The following ANKRD50 variants were observed in gnomAD, a reference collection of about 807,000 sequenced individuals.
ANKRD50 encodes the protein ankyrin repeat domain-containing protein 50.
A neutral mutation model predicts 112.0 loss-of-function variants in ANKRD50; 40 were observed. The observed-to-expected ratio is 0.36, with a 90% confidence interval of 0.28 to 0.46. ANKRD50 has a LOEUF of 0.46. Ranked by LOEUF, ANKRD50 falls within the 20% of genes least tolerant of loss-of-function variation. ANKRD50 has a pLI of 1.00. For missense variants in ANKRD50, 1,487 were observed against 1,701.7 expected, an observed-to-expected ratio of 0.87 and a Z score of 2.22; for synonymous variants, 613 against 619.1, an observed-to-expected ratio of 0.99 and a Z score of 0.15.
rs1337663119 is a variant in ANKRD50 at position 124,711,246 on chromosome 4, T to A, written c.-735A>T. ...TCACAGGTTTCTTGGTTTTAAGACGTCCGGGTAATCAACAATTTCCACAAG... is the reference window on the plus strand; with the variant it reads ...TCACAGGTTTCTTGGTTTTAAGACGACCGGGTAATCAACAATTTCCACAAG... On this transcript the variant is annotated 5_prime_UTR_variant, in exon 2 of 5. Coordinates refer to ENST00000504087, the MANE Select transcript of ANKRD50 (RefSeq NM_020337.3). 1.3e-5 allele frequency: 2 copies of A among 152,996 alleles called. No homozygotes were observed. Among genetic ancestry groups the A allele is most frequent in the Admixed American group, 1.3e-4 (2 of 15,302 alleles). 9.5% of individuals were successfully genotyped at this position (152,996 alleles called of 1,614,324 possible).
chr4:124,679,889 C>T (rs574471170), intron 2 of ANKRD50, among the ~76,000 whole-genome samples: 1 of 152,298 alleles, frequency 6.6e-6, no homozygotes, highest in African/African-American at 2.4e-5. Flanking sequence ...CCTCCAACAG[C>T]TCACCTCCTG....
intron 2 of ANKRD50, among the ~76,000 whole-genome samples, chr4:124,691,297 C>G (rs561031753): frequency 6.6e-6 from 1 of 151,426 alleles, no homozygotes; most frequent in South Asian, 2.1e-4. Context: ...TCGAGACCAT[C>G]CTGGCTAACA....
At chr4:124,703,813 T>C (rs1560601875) in intron 2 of ANKRD50, among the ~76,000 whole-genome samples, 1 of 152,074 alleles carries the variant, frequency 6.6e-6, no homozygotes, top group Non-Finnish European at 1.5e-5. Context: ...AAACAATAAA[T>C]TGGACTGCAG....
At position 124,710,260 on chromosome 4, in the gene ANKRD50, C is replaced by A. The variant is rs1166137048; in HGVS notation, c.252G>T (p.Thr84=). The A allele has an allele frequency of 1.2e-6, 2 of 1,614,212 alleles. No homozygotes were observed. The highest frequency in any genetic ancestry group is 1.7e-5 in the Admixed American group (1 of 60,022). The part of the protein sequence containing the change: ...LLVGGPGSGK[T]ALCTELLWPS... ...GCCATAAGAGTTCAGTACATAGGGC[C>A]GTCTTGCCACTGCCAGGCCCTCCTA... The change falls in exon 2 of 5, where the codon ACG becomes ACT. Residue 84 remains threonine (T), a synonymous_variant. Transcript: ENST00000504087.
chr4:124,684,908 AC>A (rs1478839824), intron 2 of ANKRD50, among the ~76,000 whole-genome samples: 1 of 151,928 alleles, frequency 6.6e-6, no homozygotes, highest in Non-Finnish European at 1.5e-5. Flanking sequence ...CCCATTCAGG[AC>A]CTATTTCTAA....
chr4:124,670,531 C>T lies in ANKRD50; in HGVS notation c.2746G>A (p.Ala916Thr), dbSNP rs779926917. 2.5e-6 allele frequency: 4 copies of T among 1,613,272 alleles called. No individual in the cohort carries two copies. Among genetic ancestry groups the T allele is most frequent in the Admixed American group, 1.7e-5 (1 of 59,822 alleles). Residue 916 changes from alanine (A) to threonine (T), a missense_variant, in exon 4 of 5, where the codon GCA becomes ACA. This residue lies in a region of ANKRD50 where 1,046 missense variants were observed against 1,269.5 expected (regional missense o/e 0.82). Transcript: ENST00000504087. ...CCTTCTAATGCAGCAACCCGCAGTG[C>T]ATTTCTTCCATCATAACCTCTTTGA... ...IDQRGYDGRN[A>T]LRVAALEGHR... is the part of the protein sequence containing the mutation.
At chr4:124,680,631 C>T (rs1030204860) in intron 2 of ANKRD50, among the ~76,000 whole-genome samples, 5 of 152,042 alleles carry the variant, frequency 3.3e-5, no homozygotes, top group East Asian at 1.9e-4. Flanking sequence ...AAATCAGTAA[C>T]GTAGTCATAT....
chr4:124,698,893 G>T (rs998112454), intron 2 of ANKRD50, among the ~76,000 whole-genome samples: 3 of 151,666 alleles, frequency 2.0e-5, no homozygotes, highest in African/African-American at 7.3e-5. Flanking sequence ...TTAATGTTTT[G>T]GTTTCCAGTG....
At chr4:124,708,691 TACACACACAC>T (rs10558584) in intron 2 of ANKRD50, among the ~76,000 whole-genome samples, 6 of 145,580 alleles carry the variant, frequency 4.1e-5, no homozygotes, top group African/African-American at 1.0e-4. Context: ...TACTAACACA[TACACACACAC>T]ACACACACAC....
Position 124,672,404 on chromosome 4 carries a change from C to T in ANKRD50, c.873G>A (p.Met291Ile), listed in dbSNP as rs1317883312. ...RQHLTKETAE[M>I]LNQLHIKSSG... ...TGCTTTTAATGTGCAGTTGATTTAA[C>T]ATCTCTGCAGTTTCTTTTGTGAGGT... is the stretch of plus-strand genomic sequence containing the variant. Residue 291 changes from methionine (M) to isoleucine (I), a missense_variant, in exon 4 of 5, where the codon ATG (methionine) becomes ATA (isoleucine). Physicochemically the swap from Met to Ile is conservative, Grantham distance 10 (BLOSUM62 1). This residue lies in a region of ANKRD50 where 1,046 missense variants were observed against 1,269.5 expected (regional missense o/e 0.82). Coordinates refer to ENST00000504087, the MANE Select transcript of ANKRD50 (RefSeq NM_020337.3). 3 of 1,613,188 alleles carry T rather than the reference C, an allele frequency of 1.9e-6. No homozygotes were observed. Among genetic ancestry groups the T allele is most frequent in the African/African-American group, 2.7e-5 (2 of 74,846 alleles).
chr4:124,683,864 C>CT (rs1174288534), intron 2 of ANKRD50, among the ~76,000 whole-genome samples: 1,375 of 94,974 alleles, frequency 0.014, 20 homozygotes, highest in African/African-American at 0.042. Flanking sequence ...TGTACAATTT[C>CT]TTTTTTTTTT....
At chr4:124,682,633 C>T (rs1394030119) in intron 2 of ANKRD50, among the ~76,000 whole-genome samples, 2 of 152,056 alleles carry the variant, frequency 1.3e-5, no homozygotes, top group East Asian at 1.9e-4. Context: ...TAGGAAATGA[C>T]TCTATATCTA....
rs369427626 is a variant in ANKRD50, at chr4:124,680,879, G to A, written c.513-1974C>T. On this transcript the variant is annotated intron_variant, in intron 2 of 4. Transcript: ENST00000504087. ...GAAAGAAAATCTAGTTGAGGCAACAGCACATGCAAAGGCTTAAAGAAGAGA... is the reference window on the plus strand; with the variant it reads ...GAAAGAAAATCTAGTTGAGGCAACAACACATGCAAAGGCTTAAAGAAGAGA... 9.2e-5 allele frequency among the ~76,000 whole-genome samples: 14 copies of A among 152,206 alleles called. No homozygotes were observed. The South Asian group carries it at 2.7e-3, about 29-fold the overall frequency.
intron 2 of ANKRD50, among the ~76,000 whole-genome samples, chr4:124,682,322 CAAA>C (rs36107017): frequency 3.4e-5 from 3 of 87,544 alleles, no homozygotes; most frequent in Admixed American, 1.2e-4. Context: ...GACTCCGTCT[CAAA>C]AAAAAAAAAA....
intron 2 of ANKRD50, among the ~76,000 whole-genome samples, chr4:124,693,674 C>G (rs1244947991): frequency 1.3e-5 from 2 of 152,044 alleles, no homozygotes; most frequent in Non-Finnish European, 2.9e-5. Context: ...ACATTTATTA[C>G]CAGTTACCTT....
At chr4:124,702,525 T>G (rs1314969653) in intron 2 of ANKRD50, among the ~76,000 whole-genome samples, 2 of 152,158 alleles carry the variant, frequency 1.3e-5, no homozygotes, top group Non-Finnish European at 2.9e-5. Flanking sequence ...TCCCTAGACC[T>G]GAGAGTCTGC....
At chr4:124,705,948 A>G (rs1216260028) in intron 2 of ANKRD50, among the ~76,000 whole-genome samples, 3 of 152,206 alleles carry the variant, frequency 2.0e-5, no homozygotes, top group African/African-American at 7.2e-5. Flanking sequence ...TAACAATAGC[A>G]TTGTACTTTA....
chr4:124,709,419 T>C (rs865796393), intron 2 of ANKRD50, among the ~76,000 whole-genome samples: 2 of 152,106 alleles, frequency 1.3e-5, no homozygotes, highest in Non-Finnish European at 2.9e-5. Flanking sequence ...GTAAAAGTAG[T>C]AAGATGATCC....
At chr4:124,702,843 C>T (rs551894352) in intron 2 of ANKRD50, among the ~76,000 whole-genome samples, 3 of 151,308 alleles carry the variant, frequency 2.0e-5, no homozygotes, top group African/African-American at 7.4e-5. Context: ...ACACATCTAA[C>T]ACATAGTTGA....
Sources: gnomAD v4.1 joint callset for allele counts (sites outside exome capture counted in the v4.1 genomes callset) on GRCh38, gnomAD v4.1.1 for gene constraint, gnomAD v4.1.1 regional missense constraint, MANE v1.5 for transcripts, NCBI Gene and HGNC (gene_info 2026-07-23, HGNC 2026-07-21) for gene names.